Variants in RBFOX1 observed in about 807,000 individuals in gnomAD.
The protein encoded by RBFOX1 is RNA binding fox-1 homolog 1.
A neutral mutation model predicts 57.7 loss-of-function variants in RBFOX1; 8 were observed. The ratio of observed to expected loss-of-function variants is 0.14; its 90% CI spans 0.08 to 0.25. The LOEUF (loss-of-function observed/expected upper bound fraction) is 0.25, where lower values mean the gene tolerates loss of function less well. Among genes scored for constraint, RBFOX1 ranks in the 10% least tolerant of loss-of-function variants. The pLI is 1.00. For missense variants in RBFOX1, 611 were observed against 548.5 expected (o/e 1.11, Z -1.14); for synonymous variants, 326 against 222.4 (o/e 1.47, Z -4.15).
At chr16:7,023,071 A>C (rs2039783198) in intron 3 of RBFOX1, among the ~76,000 whole-genome samples, 1 of 152,188 alleles carries the variant, frequency 6.6e-6, no homozygotes, top group South Asian at 2.1e-4. Flanking sequence ...AGAGAATCCT[A>C]TGCAAAAAGC....
intron 3 of RBFOX1, among the ~76,000 whole-genome samples, chr16:5,649,336 A>C (rs1003332944): frequency 6.6e-5 from 10 of 151,904 alleles, no homozygotes; most frequent in African/African-American, 2.4e-4. Flanking sequence ...TGCCTGGCTA[A>C]TTTTTATATT....
intron 1 of RBFOX1, chr16:6,092,834 G>C (rs2096195761): frequency 6.6e-6 from 1 of 152,076 alleles, no homozygotes; most frequent in Non-Finnish European, 1.5e-5. Context: ...TTGATGGTTA[G>C]AATGTTCTAT....
intron 4 of RBFOX1, among the ~76,000 whole-genome samples, chr16:5,915,097 C>A (rs879395797): frequency 2.0e-5 from 3 of 152,106 alleles, no homozygotes; most frequent in Non-Finnish European, 4.4e-5. Context: ...GAGGTGGAAA[C>A]CACTGTGGAT....
chr16:6,647,295 G>T (rs960868478), intron 2 of RBFOX1, among the ~76,000 whole-genome samples: 30 of 152,098 alleles, frequency 2.0e-4, no homozygotes, highest in African/African-American at 6.5e-4. Context: ...CCAGGCTCTA[G>T]TGCAGTGACG....
At chr16:6,249,317 G>A (rs928775001) in intron 1 of RBFOX1, among the ~76,000 whole-genome samples, 1 of 152,098 alleles carries the variant, frequency 6.6e-6, no homozygotes, top group South Asian at 2.1e-4. Flanking sequence ...ACGAGGTCAG[G>A]AGTTCAAGAC....
intron 3 of RBFOX1, among the ~76,000 whole-genome samples, chr16:6,890,126 G>T (rs118092439): frequency 2.6e-5 from 4 of 152,220 alleles, no homozygotes; most frequent in African/African-American, 9.7e-5. Context: ...AATAATATAG[G>T]TGGTAAGGTG....
chr16:5,599,017 T>C (rs1158109044), exon 3 of RBFOX1: 2 of 1,388,418 alleles, frequency 1.4e-6, no homozygotes, highest in Non-Finnish European at 2.0e-6. Flanking sequence ...TTTGCATCCT[T>C]TTCAGCCTCT....
intron 3 of RBFOX1, among the ~76,000 whole-genome samples, chr16:6,760,417 C>T (rs912808667): frequency 2.0e-5 from 3 of 152,010 alleles, no homozygotes; most frequent in Non-Finnish European, 2.9e-5. Context: ...CTTGCTCTTA[C>T]AAGAAGTGAT....
At chr16:6,671,539 G>C (rs2098764954) in intron 3 of RBFOX1, among the ~76,000 whole-genome samples, 1 of 152,048 alleles carries the variant, frequency 6.6e-6, no homozygotes, top group Non-Finnish European at 1.5e-5. Context: ...ACTGAGTTTG[G>C]GCAAGTTCCT....
At chr16:5,462,278 C>T (rs540318686) in intron 1 of RBFOX1, among the ~76,000 whole-genome samples, 1 of 151,096 alleles carries the variant, frequency 6.6e-6, no homozygotes, top group Admixed American at 6.6e-5. Flanking sequence ...ACGCCATTCT[C>T]CTGCCTCAGC....
intron 4 of RBFOX1, among the ~76,000 whole-genome samples, chr16:7,243,696 A>G (rs887052428): frequency 6.6e-6 from 1 of 152,110 alleles, no homozygotes; most frequent in Non-Finnish European, 1.5e-5. Context: ...ACAGGCGTGC[A>G]TCATCACATC....
At chr16:7,060,183 C>T (rs960501294) in intron 4 of RBFOX1, among the ~76,000 whole-genome samples, 3 of 152,022 alleles carry the variant, frequency 2.0e-5, no homozygotes, top group African/African-American at 4.8e-5. Flanking sequence ...TCTCCATTGC[C>T]CCCACTCGAC....
chr16:6,737,282 T>C (rs1317436538), intron 3 of RBFOX1, among the ~76,000 whole-genome samples: 7 of 152,238 alleles, frequency 4.6e-5, no homozygotes, highest in Admixed American at 2.6e-4. Context: ...AAAAGTTCAC[T>C]TGTGATTATC....
intron 4 of RBFOX1, among the ~76,000 whole-genome samples, chr16:7,511,823 G>A (rs1338383516): frequency 6.6e-6 from 1 of 152,170 alleles, no homozygotes; most frequent in Admixed American, 6.5e-5. Context: ...CCTAATAAAT[G>A]TTGTTTATTT....
At chr16:6,619,030 G>A (rs1039204825) in intron 2 of RBFOX1, among the ~76,000 whole-genome samples, 1 of 152,244 alleles carries the variant, frequency 6.6e-6, no homozygotes, top group East Asian at 1.9e-4. Context: ...GTTTCCCAGG[G>A]GATCAGGGAG....
intron 3 of RBFOX1, among the ~76,000 whole-genome samples, chr16:6,967,331 C>T (rs2084492628): frequency 6.6e-6 from 1 of 152,158 alleles, no homozygotes; most frequent in Non-Finnish European, 1.5e-5. Flanking sequence ...ATCCATCCAT[C>T]TACCAGCAGT....
chr16:7,156,964 T>A (rs1262005252), intron 4 of RBFOX1, among the ~76,000 whole-genome samples: 2 of 152,162 alleles, frequency 1.3e-5, no homozygotes, highest in Admixed American at 1.3e-4. Context: ...AAAGTGCCTT[T>A]AAAAAAACAC....
chr16:6,559,362 A>G (rs1168052213), intron 2 of RBFOX1, among the ~76,000 whole-genome samples: 1 of 152,052 alleles, frequency 6.6e-6, no homozygotes, highest in Admixed American at 6.6e-5. Flanking sequence ...GTGTATATAT[A>G]CACACACACG....
At chr16:7,114,309 A>C (rs1358665370) in intron 4 of RBFOX1, among the ~76,000 whole-genome samples, 1 of 152,226 alleles carries the variant, frequency 6.6e-6, no homozygotes, top group African/African-American at 2.4e-5. Flanking sequence ...AATGAAAAAA[A>C]TATGAATACC....
Sources: allele counts gnomAD v4.1 joint callset (sites outside exome capture counted in the v4.1 genomes callset), GRCh38; gene constraint gnomAD v4.1.1; transcripts MANE v1.5; gene names NCBI Gene and HGNC (gene_info 2026-07-23, HGNC 2026-07-21).